PAPSS1: variants seen among roughly 807,000 people sequenced by gnomAD.
PAPSS1 encodes the protein 3'-phosphoadenosine 5'-phosphosulfate synthase 1.
In PAPSS1, 50 loss-of-function variants were observed where a neutral mutation model predicts 72.0. That is an observed-to-expected ratio of 0.69 (90% CI 0.55 to 0.88). The LOEUF (loss-of-function observed/expected upper bound fraction) is 0.88, where lower values mean the gene tolerates loss of function less well. Among genes scored for constraint, PAPSS1 ranks in the 40% least tolerant of loss-of-function variants. PAPSS1 has a pLI of 0.00. For synonymous variants in PAPSS1, 261 were observed against 263.6 expected, an observed-to-expected ratio of 0.99 and a Z score of 0.09; for missense variants, 657 against 782.2, an observed-to-expected ratio of 0.84 and a Z score of 1.91.
intron 3 of PAPSS1, among the ~76,000 whole-genome samples, chr4:107,688,259 G>T (rs1722838205): frequency 1.3e-5 from 2 of 152,116 alleles, no homozygotes; most frequent in Admixed American, 6.6e-5. Context: ...CAAATGAACT[G>T]CTAAGGGAAG....
intron 11 of PAPSS1, among the ~76,000 whole-genome samples, chr4:107,619,423 A>G (rs1045768447): frequency 2.0e-5 from 3 of 152,190 alleles, no homozygotes; most frequent in Non-Finnish European, 2.9e-5. Context: ...CCTCCACCTC[A>G]TACTTACATT....
intron 11 of PAPSS1, among the ~76,000 whole-genome samples, chr4:107,628,979 G>C (rs979895410): frequency 2.0e-5 from 3 of 152,212 alleles, no homozygotes; most frequent in African/African-American, 7.2e-5. Flanking sequence ...GTCAGTCAAA[G>C]AGAGACAGAT....
intron 4 of PAPSS1, 25 bp from the exon 5 acceptor site, chr4:107,682,158 G>A (rs112365258): frequency 0.019 from 21,694 of 1,121,950 alleles, 312 homozygotes; most frequent in Non-Finnish European, 0.021. Flanking sequence ...AGATAATAGA[G>A]TAGGGTGGAA....
chr4:107,638,885 C>A (rs931237929), intron 10 of PAPSS1, among the ~76,000 whole-genome samples: 1 of 151,998 alleles, frequency 6.6e-6, no homozygotes, highest in East Asian at 1.9e-4. Flanking sequence ...AATAAGAAAA[C>A]AGGGACTTGG....
At chr4:107,711,673 A>G (rs1171332302) in intron 1 of PAPSS1, among the ~76,000 whole-genome samples, 2 of 152,222 alleles carry the variant, frequency 1.3e-5, no homozygotes, top group Non-Finnish European at 2.9e-5. Context: ...TTATGTCCCT[A>G]GACACAATAT....
chr4:107,652,689 G>C (rs780279977), intron 9 of PAPSS1, among the ~76,000 whole-genome samples: 2 of 152,090 alleles, frequency 1.3e-5, no homozygotes, highest in Non-Finnish European at 2.9e-5. Context: ...TCCATTATTT[G>C]CTGCGATAAA....
Position 107,614,152 on chromosome 4 carries a change from T to G in PAPSS1, c.*97A>C. The stretch of plus-strand genomic sequence containing the variant: ...GAAAATGGTCTGTTTTTAGGAAGCA[T>G]GTCCAGACAGACACCACAAAGAAAT... On this transcript the variant is annotated 3_prime_UTR_variant, in exon 12 of 12. Transcript: ENST00000265174. 1 of 1,290,994 alleles carries G rather than the reference T, an allele frequency of 7.7e-7. No homozygotes were observed. The highest frequency in any genetic ancestry group is 2.4e-5 in the East Asian group (1 of 42,146). 80.0% of individuals were successfully genotyped at this position (1,290,994 alleles called of 1,614,324 possible).
At chr4:107,638,236 T>C (rs375351651) in intron 10 of PAPSS1, among the ~76,000 whole-genome samples, 15 of 152,342 alleles carry the variant, frequency 9.8e-5, no homozygotes, top group South Asian at 6.2e-4. Context: ...TACTTGGACA[T>C]TTCATTCTTC....
chr4:107,622,916 TG>T (rs1578380018), intron 11 of PAPSS1, among the ~76,000 whole-genome samples: 2 of 152,226 alleles, frequency 1.3e-5, no homozygotes, highest in Non-Finnish European at 1.5e-5. Flanking sequence ...TGTTTTGAAA[TG>T]GGGGAGGTGA....
At chr4:107,672,422 C>T (rs1560579677) in intron 5 of PAPSS1, among the ~76,000 whole-genome samples, 1 of 152,226 alleles carries the variant, frequency 6.6e-6, no homozygotes, top group Non-Finnish European at 1.5e-5. Context: ...AGAATTATAT[C>T]CCGTGCCAGG....
chr4:107,676,882 A>G (rs1727666097), intron 5 of PAPSS1, among the ~76,000 whole-genome samples: 5 of 152,288 alleles, frequency 3.3e-5, no homozygotes, highest in South Asian at 2.1e-4. Flanking sequence ...ATAATGCCAC[A>G]TATCTACACC....
intron 5 of PAPSS1, among the ~76,000 whole-genome samples, chr4:107,660,358 G>C (rs967552026): frequency 2.6e-5 from 4 of 152,086 alleles, no homozygotes; most frequent in Admixed American, 2.6e-4. Context: ...CCTCAAATAA[G>C]AGGTAACAAC....
chr4:107,654,630 GC>G, intron 8 of PAPSS1, 64 bp downstream of exon 8: 1 of 1,268,006 alleles, frequency 7.9e-7, no homozygotes, highest in East Asian at 2.3e-5. Flanking sequence ...CACAGAAAAT[GC>G]CCACATTTCA....
chr4:107,614,130 A>T lies in PAPSS1; in HGVS notation c.*119T>A. ...ACCAAAACTGATGCAAGTTAAGGAA[A>T]ATGGTCTGTTTTTAGGAAGCATGTC... On this transcript the variant is annotated 3_prime_UTR_variant, in exon 12 of 12. Transcript: ENST00000265174. The T allele has an allele frequency of 9.8e-7, 1 of 1,022,464 alleles. No homozygotes were observed. The highest frequency in any genetic ancestry group is 1.4e-6 in the Non-Finnish European group (1 of 703,512). 63.3% of individuals were successfully genotyped at this position (1,022,464 alleles called of 1,614,324 possible).
Position 107,717,860 on chromosome 4 carries a change from A to T in PAPSS1, c.60+2260T>A, listed in dbSNP as rs1356682579. Among the ~76,000 whole-genome samples, 4 of 152,022 alleles carry T rather than the reference A, an allele frequency of 2.6e-5. No individual in the cohort carries two copies. The East Asian group carries it at 7.7e-4, about 29-fold the overall frequency. On this transcript the variant is annotated intron_variant, in intron 1 of 11. Coordinates refer to ENST00000265174, the MANE Select transcript of PAPSS1 (RefSeq NM_005443.5). Reference sequence around the variant, plus strand: ...TCCCCTAAATCTAGTCGGTCCTCTCAACTCTTCCTTAAATGTTTTTAATGC... The same window carrying T: ...TCCCCTAAATCTAGTCGGTCCTCTCTACTCTTCCTTAAATGTTTTTAATGC...
intron 11 of PAPSS1, among the ~76,000 whole-genome samples, chr4:107,621,325 C>T (rs1477244096): frequency 6.6e-6 from 1 of 152,140 alleles, no homozygotes; most frequent in African/African-American, 2.4e-5. Context: ...AATTAAAAAG[C>T]AGGACACAAA....
chr4:107,619,805 G>A (rs1455279813), intron 11 of PAPSS1, among the ~76,000 whole-genome samples: 1 of 152,092 alleles, frequency 6.6e-6, no homozygotes, highest in Non-Finnish European at 1.5e-5. Context: ...AAACCACTTG[G>A]TTACAGATTC....
chr4:107,692,399 G>A (rs1312036097), intron 3 of PAPSS1, among the ~76,000 whole-genome samples: 1 of 152,082 alleles, frequency 6.6e-6, no homozygotes, highest in African/African-American at 2.4e-5. Context: ...CAACATCACT[G>A]ATCATTAGAT....
chr4:107,671,428 G>A (rs1043976090), intron 5 of PAPSS1, among the ~76,000 whole-genome samples: 5 of 152,084 alleles, frequency 3.3e-5, no homozygotes, highest in Non-Finnish European at 7.4e-5. Context: ...GGAGAAACCT[G>A]TGGCACCCAA....
Sources: allele counts gnomAD v4.1 joint callset (sites outside exome capture counted in the v4.1 genomes callset), GRCh38; gene constraint gnomAD v4.1.1; transcripts MANE v1.5; gene names NCBI Gene and HGNC (gene_info 2026-07-23, HGNC 2026-07-21).